Variants in APBA1 observed in about 807,000 individuals in gnomAD.
APBA1 encodes amyloid beta precursor protein binding family A member 1.
In APBA1, 55 loss-of-function variants were observed where a neutral mutation model predicts 86.6. The ratio of observed to expected loss-of-function variants is 0.64; its 90% CI spans 0.51 to 0.80. APBA1 has a LOEUF of 0.80. Ranked by LOEUF, APBA1 falls within the 30% of genes least tolerant of loss-of-function variation. The probability of loss-of-function intolerance (pLI) is 0.00; values close to 1 mark genes in which losing one functional copy is unlikely to be tolerated. For missense variants in APBA1, 1,090 were observed against 1,183.0 expected (o/e 0.92, Z 1.15); for synonymous variants, 511 against 493.9 (o/e 1.03, Z -0.46).
intron 1 of APBA1, among the ~76,000 whole-genome samples, chr9:69,575,688 C>A (rs139632225): frequency 0.074 from 11,310 of 152,162 alleles, 592 homozygotes; most frequent in African/African-American, 0.14. Context: ...CTTCCTTACA[C>A]CTTATACAAA....
chr9:69,596,456 C>G (rs1206947998), intron 1 of APBA1, among the ~76,000 whole-genome samples: 1 of 152,106 alleles, frequency 6.6e-6, no homozygotes, highest in African/African-American at 2.4e-5. Context: ...GGCGAATGAA[C>G]AAGATATATG....
chr9:69,527,784 T>C (rs10867730), intron 1 of APBA1, among the ~76,000 whole-genome samples: 85,531 of 152,006 alleles, frequency 0.56, 25,964 homozygotes, highest in Non-Finnish European at 0.67. Context: ...GCCACTCCTA[T>C]ATTGGAAGTG....
chr9:69,632,083 A>C (rs2133999051), intron 1 of APBA1, among the ~76,000 whole-genome samples: 1 of 152,114 alleles, frequency 6.6e-6, no homozygotes, highest in African/African-American at 2.4e-5. Flanking sequence ...CAATAAAAAA[A>C]TAGAAAAAAG....
chr9:69,563,065 G>T (rs553537425), intron 1 of APBA1, among the ~76,000 whole-genome samples: 1 of 152,294 alleles, frequency 6.6e-6, no homozygotes, highest in Non-Finnish European at 1.5e-5. Flanking sequence ...GCTAAGATTT[G>T]CTCTGGGCTT....
chr9:69,584,618 G>C (rs1190402002), intron 1 of APBA1, among the ~76,000 whole-genome samples: 1 of 152,196 alleles, frequency 6.6e-6, no homozygotes, highest in Non-Finnish European at 1.5e-5. Flanking sequence ...GATACACTTA[G>C]AACAGTGCCA....
intron 2 of APBA1, among the ~76,000 whole-genome samples, chr9:69,502,228 C>G (rs1835889956): frequency 6.6e-6 from 1 of 152,048 alleles, no homozygotes; most frequent in South Asian, 2.1e-4. Context: ...GATCACCAGA[C>G]AAGTTTTGCT....
chr9:69,624,349 A>AT (rs1822885802), intron 1 of APBA1, among the ~76,000 whole-genome samples: 1 of 152,222 alleles, frequency 6.6e-6, no homozygotes, highest in Non-Finnish European at 1.5e-5. Flanking sequence ...CCCAAGCAAG[A>AT]TCCCAAATGA....
At chr9:69,656,330 T>C (rs1823611318) in intron 1 of APBA1, among the ~76,000 whole-genome samples, 1 of 152,172 alleles carries the variant, frequency 6.6e-6, no homozygotes, top group African/African-American at 2.4e-5. Flanking sequence ...ATAATAATAT[T>C]CACAGTAAAA....
chr9:69,614,658 A>G (rs1056456495), intron 1 of APBA1, among the ~76,000 whole-genome samples: 4 of 152,226 alleles, frequency 2.6e-5, no homozygotes. Context: ...AATCAGATTC[A>G]TGGAAAAGAC....
At chr9:69,482,317 T>C (rs1195054476) in intron 2 of APBA1, among the ~76,000 whole-genome samples, 10 of 151,970 alleles carry the variant, frequency 6.6e-5, no homozygotes, top group Non-Finnish European at 1.2e-4. Context: ...GCAAAGGACA[T>C]GAATAGACAC....
At position 69,574,859 on chromosome 9, in the gene APBA1, G is replaced by A. The variant is rs375172188; in HGVS notation, c.-69-57580C>T. On this transcript the variant is annotated intron_variant, in intron 1 of 12. Transcript: ENST00000265381. Reference sequence around the variant, plus strand: ...AAGTCAGGGTAGAGCAGCACAGGGAGACTATGAAATGCCCACGGTCTATTC... The same window carrying A: ...AAGTCAGGGTAGAGCAGCACAGGGAAACTATGAAATGCCCACGGTCTATTC... Among the ~76,000 whole-genome samples, 5 of 152,184 alleles carry A rather than the reference G, an allele frequency of 3.3e-5. No homozygotes were observed. In the East Asian group the frequency reaches 5.8e-4, roughly 18 times the overall value.
intron 1 of APBA1, among the ~76,000 whole-genome samples, chr9:69,651,492 T>C (rs534865585): frequency 2.6e-5 from 4 of 152,328 alleles, no homozygotes; most frequent in Admixed American, 2.6e-4. Flanking sequence ...TTTTTTTTCT[T>C]GAGACTGAGT....
rs1004551078 is a variant in APBA1, at chr9:69,652,395, T to C, written c.-70+19758A>G. On this transcript the variant is annotated intron_variant, in intron 1 of 12. Transcript: ENST00000265381. The stretch of plus-strand genomic sequence containing the variant: ...AAATAGGGGTACAGGGAGGGGGATA[T>C]GTTGGGAGCAAAAGGCATGTCTACT... 6.6e-5 allele frequency among the ~76,000 whole-genome samples: 10 copies of C among 152,252 alleles called. No individual in the cohort carries two copies. In the East Asian group the frequency reaches 1.9e-3, roughly 29 times the overall value.
chr9:69,661,762 G>C (rs1823756105), intron 1 of APBA1, among the ~76,000 whole-genome samples: 1 of 152,082 alleles, frequency 6.6e-6, no homozygotes, highest in East Asian at 1.9e-4. Flanking sequence ...TTCCTAGACA[G>C]TGGATTGTTA....
At chr9:69,654,748 C>T (rs574350351) in intron 1 of APBA1, among the ~76,000 whole-genome samples, 11 of 152,214 alleles carry the variant, frequency 7.2e-5, no homozygotes, top group South Asian at 2.1e-4. Flanking sequence ...AAGGATACAA[C>T]GACCAAAAAG....
chr9:69,529,525 T>G (rs977251238), intron 1 of APBA1, among the ~76,000 whole-genome samples: 1 of 152,146 alleles, frequency 6.6e-6, no homozygotes, highest in South Asian at 2.1e-4. Context: ...AAACCCATAA[T>G]AGTTCATTGG....
chr9:69,463,865 G>T (rs1429950153), intron 5 of APBA1: 7 of 152,218 alleles, frequency 4.6e-5, no homozygotes, highest in Admixed American at 3.9e-4. Context: ...TTGCTAAATG[G>T]ATTGCAAAAT....
chr9:69,432,244 C>T (rs983766006), intron 12 of APBA1, among the ~76,000 whole-genome samples: 27 of 152,256 alleles, frequency 1.8e-4, no homozygotes, highest in African/African-American at 4.8e-4. Flanking sequence ...GCAACTTAGG[C>T]GGCCATACAG....
intron 1 of APBA1, among the ~76,000 whole-genome samples, chr9:69,527,189 G>A (rs1836356161): frequency 6.6e-6 from 1 of 151,952 alleles, no homozygotes; most frequent in Non-Finnish European, 1.5e-5. Flanking sequence ...AGTATACCCA[G>A]ATAACAAATC....
Sources: allele counts gnomAD v4.1 joint callset (sites outside exome capture counted in the v4.1 genomes callset), GRCh38; gene constraint gnomAD v4.1.1; transcripts MANE v1.5; gene names NCBI Gene and HGNC (gene_info 2026-07-23, HGNC 2026-07-21).